Variants in CDC42BPA observed in about 807,000 individuals in gnomAD.
The protein encoded by CDC42BPA is CDC42 binding protein kinase alpha.
A neutral mutation model predicts 223.5 loss-of-function variants in CDC42BPA; 80 were observed. The observed-to-expected ratio is 0.36, with a 90% CI of 0.30 to 0.43. The LOEUF (loss-of-function observed/expected upper bound fraction) is 0.43, where lower values mean the gene tolerates loss of function less well. Among genes scored for constraint, CDC42BPA ranks in the 20% least tolerant of loss-of-function variants. The probability of loss-of-function intolerance (pLI) is 1.00; values close to 1 mark genes in which losing one functional copy is unlikely to be tolerated. For synonymous variants in CDC42BPA, 694 were observed against 718.6 expected, an observed-to-expected ratio of 0.97 and a Z score of 0.55; for missense variants, 1,743 against 2,099.9, an observed-to-expected ratio of 0.83 and a Z score of 3.32.
intron 1 of CDC42BPA, among the ~76,000 whole-genome samples, chr1:227,275,809 C>T (rs922164523): frequency 4.6e-5 from 7 of 152,196 alleles, no homozygotes; most frequent in Non-Finnish European, 8.8e-5. Context: ...TCGCCATGTT[C>T]GCCGGGCTGG....
chr1:227,132,860 G>A (rs1212799497), intron 10 of CDC42BPA, among the ~76,000 whole-genome samples: 8 of 147,668 alleles, frequency 5.4e-5, no homozygotes, highest in Non-Finnish European at 9.0e-5. Context: ...CTGCCCGGCC[G>A]CCCCGTCTGA....
chr1:227,034,798 AGTTTT>A lies in CDC42BPA; in HGVS notation c.3337-9_3337-5del. 4 of 1,507,342 alleles carry A rather than the reference AGTTTT, an allele frequency of 2.7e-6. No homozygotes were observed. Among genetic ancestry groups the A allele is most frequent in the Non-Finnish European group, 3.5e-6 (4 of 1,137,514 alleles). 93.4% of individuals were successfully genotyped at this position (1,507,342 alleles called of 1,614,324 possible). ...TCACTCCAGCTGGCTTAGGAATCTT[AGTTTT>A]GTTTTAGACAGACAAACAGCCAAAA... On this transcript the variant is annotated splice_polypyrimidine_tract_variant and splice_region_variant and intron_variant, in intron 25 of 36. Coordinates refer to ENST00000366766, the MANE Select transcript of CDC42BPA (RefSeq NM_001394014.1).
intron 5 of CDC42BPA, among the ~76,000 whole-genome samples, chr1:227,170,260 G>A (rs1665860053): frequency 6.6e-6 from 1 of 152,036 alleles, no homozygotes; most frequent in South Asian, 2.1e-4. Context: ...CAGCCCACAT[G>A]GGAAGAACAA....
chr1:227,173,690 G>A (rs1271672686), intron 5 of CDC42BPA, among the ~76,000 whole-genome samples: 1 of 151,880 alleles, frequency 6.6e-6, no homozygotes, highest in Admixed American at 6.6e-5. Context: ...AAGAAAGAAT[G>A]ATGTAAGCTC....
intron 24 of CDC42BPA, among the ~76,000 whole-genome samples, chr1:227,036,722 G>C (rs12403195): frequency 6.6e-6 from 1 of 152,052 alleles, no homozygotes; most frequent in Non-Finnish European, 1.5e-5. Context: ...GAGCCACCGC[G>C]CCCGGCCTTC....
rs571649867 is a variant in CDC42BPA at position 227,172,277 on chromosome 1, C to T, written c.600-11641G>A. Among the ~76,000 whole-genome samples, 5 of 152,260 alleles carry T rather than the reference C, an allele frequency of 3.3e-5. No individual in the cohort carries two copies. In the East Asian group the frequency reaches 9.6e-4, roughly 29 times the overall value. On this transcript the variant is annotated intron_variant, in intron 5 of 36. Transcript: ENST00000366766. ...TTATTCAAAAAATTCTGTCAGTAAA[C>T]TTTTCTCAAACTAATCTTTTCCACT...
chr1:227,031,185 A>G (rs1338269057), intron 28 of CDC42BPA, 113 bp downstream of exon 28: 2 of 750,380 alleles, frequency 2.7e-6, no homozygotes, highest in Non-Finnish European at 4.5e-6. Context: ...AGCATTTATG[A>G]TATGATGCAC....
intron 1 of CDC42BPA, among the ~76,000 whole-genome samples, chr1:227,271,332 G>A (rs1175484242): frequency 6.6e-6 from 1 of 152,160 alleles, no homozygotes; most frequent in Non-Finnish European, 1.5e-5. Flanking sequence ...CTGTGAGTGA[G>A]AAATTTAGGT....
intron 35 of CDC42BPA, among the ~76,000 whole-genome samples, chr1:226,995,821 C>T (rs1417117644): frequency 1.3e-5 from 2 of 152,288 alleles, no homozygotes; most frequent in East Asian, 1.9e-4. Flanking sequence ...ATGCCTTCAT[C>T]GTGCTGAGTT....
chr1:227,138,071 C>T, intron 10 of CDC42BPA, among the ~76,000 whole-genome samples: 1 of 152,044 alleles, frequency 6.6e-6, no homozygotes, highest in Non-Finnish European at 1.5e-5. Context: ...GGAAGTAATT[C>T]ATATGCAGAG....
At chr1:227,216,611 C>A (rs1674900982) in intron 2 of CDC42BPA, among the ~76,000 whole-genome samples, 3 of 152,094 alleles carry the variant, frequency 2.0e-5, no homozygotes, top group South Asian at 4.1e-4. Flanking sequence ...TTTAACACTG[C>A]AAGTCATACT....
chr1:227,051,156 T>C (rs1673458099), intron 22 of CDC42BPA, among the ~76,000 whole-genome samples: 1 of 152,216 alleles, frequency 6.6e-6, no homozygotes, highest in African/African-American at 2.4e-5. Context: ...TTGGACTATC[T>C]GCTTCTATTG....
At chr1:227,033,519 C>T in intron 26 of CDC42BPA, 104 bp from the exon 27 acceptor site, 1 of 663,124 alleles carries the variant, frequency 1.5e-6, no homozygotes, top group Non-Finnish European at 2.7e-6. Flanking sequence ...CTGCACCAAA[C>T]ACCCAAATTT....
At chr1:227,085,842 T>C (rs943484108) in intron 16 of CDC42BPA, among the ~76,000 whole-genome samples, 2 of 152,232 alleles carry the variant, frequency 1.3e-5, no homozygotes, top group African/African-American at 4.8e-5. Flanking sequence ...TACTGAGGTA[T>C]AATTTATATA....
rs371131724 is a variant in CDC42BPA at position 227,179,561 on chromosome 1, G to A, written c.599+14225C>T. Among the ~76,000 whole-genome samples, 6 of 144,424 alleles carry A rather than the reference G, an allele frequency of 4.2e-5. No individual in the cohort carries two copies. In the East Asian group the frequency reaches 6.2e-4, roughly 15 times the overall value. 94.7% of individuals were successfully genotyped at this position (144,424 alleles called of 152,430 possible). Reference sequence around the variant, plus strand: ...TGAGGCAGGAGAATGGCGTCAACCCGGGAGGTGGAGCTTGCAGTGAGCCGA... The same window carrying A: ...TGAGGCAGGAGAATGGCGTCAACCCAGGAGGTGGAGCTTGCAGTGAGCCGA... On this transcript the variant is annotated intron_variant, in intron 5 of 36. Coordinates refer to ENST00000366766, the MANE Select transcript of CDC42BPA (RefSeq NM_001394014.1).
chr1:227,272,081 T>C (rs1180893241), intron 1 of CDC42BPA, among the ~76,000 whole-genome samples: 4 of 151,452 alleles, frequency 2.6e-5, no homozygotes, highest in Non-Finnish European at 5.9e-5. Context: ...TTTGGCCACT[T>C]TGTTTATCTT....
rs80155660 is a variant in CDC42BPA at position 227,298,828 on chromosome 1, T to C, written c.178+18177A>G. On this transcript the variant is annotated intron_variant, in intron 1 of 36. Coordinates refer to ENST00000366766, the MANE Select transcript of CDC42BPA (RefSeq NM_001394014.1). Reference sequence around the variant, plus strand: ...CAAACACTGCCTTTTCACTGAATTATAAAGATAATTCAATATCCATAAAAA... The same window carrying C: ...CAAACACTGCCTTTTCACTGAATTACAAAGATAATTCAATATCCATAAAAA... 3.4e-3 allele frequency among the ~76,000 whole-genome samples: 521 copies of C among 152,262 alleles called. 2 individuals are homozygous for C. Among genetic ancestry groups the C allele is most frequent in the Non-Finnish European group, 5.4e-3 (367 of 68,012 alleles).
At chr1:227,239,519 C>T (rs893549290) in intron 2 of CDC42BPA, among the ~76,000 whole-genome samples, 6 of 152,220 alleles carry the variant, frequency 3.9e-5, no homozygotes, top group Non-Finnish European at 8.8e-5. Flanking sequence ...AGTGTGGGAA[C>T]AGGAGGTATA....
intron 10 of CDC42BPA, among the ~76,000 whole-genome samples, chr1:227,137,987 G>A (rs1290840271): frequency 6.6e-6 from 1 of 151,904 alleles, no homozygotes; most frequent in African/African-American, 2.4e-5. Context: ...CTTAAAAGTA[G>A]AATGCTTGCA....
Sources: allele counts gnomAD v4.1 joint callset (sites outside exome capture counted in the v4.1 genomes callset), GRCh38; gene constraint gnomAD v4.1.1; transcripts MANE v1.5; gene names NCBI Gene and HGNC (gene_info 2026-07-23, HGNC 2026-07-21).